WDPCP: variants seen among roughly 807,000 people sequenced by gnomAD.
The protein encoded by WDPCP is WD repeat-containing and planar cell polarity effector protein fritz homolog.
Under a neutral mutation model 93.1 loss-of-function variants are expected in WDPCP, and 71 were observed. That is an observed-to-expected ratio of 0.76 (90% CI 0.63 to 0.93). WDPCP has a LOEUF of 0.93. Ranked by LOEUF, WDPCP falls within the 40% of genes least tolerant of loss-of-function variation. The pLI, the probability that WDPCP is intolerant of heterozygous loss-of-function variation, is 0.00. For missense variants in WDPCP, 844 were observed against 887.4 expected, an observed-to-expected ratio of 0.95 and a Z score of 0.62; for synonymous variants, 315 against 315.0, an observed-to-expected ratio of 1.00 and a Z score of 0.00.
chr2:63,634,663 C>T (rs1313249202), intron 3 of WDPCP, among the ~76,000 whole-genome samples: 2 of 151,966 alleles, frequency 1.3e-5, no homozygotes, highest in Non-Finnish European at 1.5e-5. Flanking sequence ...GAAAAATTTA[C>T]AAATATGTTA....
chr2:63,212,886 A>G (rs1676955622), intron 14 of WDPCP, among the ~76,000 whole-genome samples: 1 of 152,192 alleles, frequency 6.6e-6, no homozygotes. Context: ...AGGCAATTAT[A>G]TAATGGTAAA....
At chr2:63,767,473 A>G (rs757764969) in intron 2 of WDPCP, among the ~76,000 whole-genome samples, 15 of 152,130 alleles carry the variant, frequency 9.9e-5, no homozygotes, top group Non-Finnish European at 1.3e-4. Flanking sequence ...ATTGTATGAG[A>G]GTTCCTGTTG....
chr2:63,412,209 G>A (rs1295226563), intron 9 of WDPCP, among the ~76,000 whole-genome samples: 2 of 152,184 alleles, frequency 1.3e-5, no homozygotes, highest in African/African-American at 4.8e-5. Context: ...TACCAGGGAT[G>A]CAGGGATGGT....
chr2:63,682,052 C>CT (rs1408384834), intron 2 of WDPCP, among the ~76,000 whole-genome samples: 1 of 152,200 alleles, frequency 6.6e-6, no homozygotes, highest in Non-Finnish European at 1.5e-5. Flanking sequence ...CATGGAAAGC[C>CT]TTCCCAAGAA....
At chr2:63,368,825 C>A (rs1162462674) in intron 12 of WDPCP, 5 of 152,244 alleles carry the variant, frequency 3.3e-5, no homozygotes, top group African/African-American at 1.2e-4. Context: ...TCCAGTGACA[C>A]ATTCTGAACA....
At chr2:63,155,182 G>C (rs1182713203) in intron 15 of WDPCP, among the ~76,000 whole-genome samples, 1 of 152,156 alleles carries the variant, frequency 6.6e-6, no homozygotes, top group Non-Finnish European at 1.5e-5. Flanking sequence ...TTGGTGTCTA[G>C]TTGGAGAATT....
chr2:63,780,103 C>G (rs1480461870), intron 2 of WDPCP, among the ~76,000 whole-genome samples: 2 of 152,130 alleles, frequency 1.3e-5, no homozygotes, highest in African/African-American at 4.8e-5. Flanking sequence ...TTTGTAAACT[C>G]CCAGCAATCT....
chr2:63,473,645 A>T lies in WDPCP; in HGVS notation c.384+10959T>A, dbSNP rs923307300. 2.0e-5 allele frequency among the ~76,000 whole-genome samples: 3 copies of T among 152,148 alleles called. No individual in the cohort carries two copies. The South Asian group carries it at 6.2e-4, about 32-fold the overall frequency. ...GTACCACATAGCCATCTGGTTTGCA[A>T]CTTCCAAAAACCGATATCTCCTATT... On this transcript the variant is annotated intron_variant, in intron 6 of 17. Coordinates refer to ENST00000272321, the MANE Select transcript of WDPCP (RefSeq NM_015910.7).
chr2:63,620,904 T>G (rs1358782126), intron 3 of WDPCP, among the ~76,000 whole-genome samples: 1 of 152,210 alleles, frequency 6.6e-6, no homozygotes, highest in Non-Finnish European at 1.5e-5. Flanking sequence ...TCCAGCAAAC[T>G]CCAGCAGACC....
intron 2 of WDPCP, among the ~76,000 whole-genome samples, chr2:63,710,587 G>A (rs1669247598): frequency 6.6e-6 from 1 of 152,140 alleles, no homozygotes; most frequent in Non-Finnish European, 1.5e-5. Flanking sequence ...AGAGATCTCT[G>A]TAACTAAGAA....
At chr2:63,621,483 T>A (rs1208923545) in intron 3 of WDPCP, among the ~76,000 whole-genome samples, 2 of 151,898 alleles carry the variant, frequency 1.3e-5, no homozygotes, top group Non-Finnish European at 2.9e-5. Context: ...GAATAAAGAA[T>A]GAAAAGTAAT....
intron 13 of WDPCP, among the ~76,000 whole-genome samples, chr2:63,288,182 G>A (rs1259387657): frequency 6.6e-6 from 1 of 152,176 alleles, no homozygotes; most frequent in African/African-American, 2.4e-5. Flanking sequence ...CATTCCAACT[G>A]GACCTGCGCC....
Position 63,681,575 on chromosome 2 carries a change from C to T in WDPCP, n.309-30737G>A, listed in dbSNP as rs1710491340. ...AGGTTTTTGTCTCTAGTCCCTGACA[C>T]CTCTATGGTACCTATGGATTTCCCT... On this transcript the variant is annotated intron_variant and non_coding_transcript_variant, in intron 2 of 4. Coordinates refer to the WDPCP transcript ENST00000467687. Among the ~76,000 whole-genome samples the T allele has an allele frequency of 2.6e-5, 4 of 152,258 alleles. No individual in the cohort carries two copies. The South Asian group carries it at 8.3e-4, about 32-fold the overall frequency.
At chr2:63,607,674 C>CA (rs1198488120) in intron 3 of WDPCP, among the ~76,000 whole-genome samples, 1 of 147,644 alleles carries the variant, frequency 6.8e-6, no homozygotes, top group Non-Finnish European at 1.5e-5. Context: ...ACTAAAAATG[C>CA]AAAAAATTAG....
At chr2:63,526,055 CTGTGTGTGTG>C (rs34946446) in intron 1 of WDPCP, among the ~76,000 whole-genome samples, 2 of 148,750 alleles carry the variant, frequency 1.3e-5, no homozygotes, top group Non-Finnish European at 3.0e-5. Context: ...GCTGTTGCTA[CTGTGTGTGTG>C]TGTGTGTGTG....
chr2:63,268,785 C>CA (rs1414921445), intron 13 of WDPCP, among the ~76,000 whole-genome samples: 1 of 151,826 alleles, frequency 6.6e-6, no homozygotes, highest in Non-Finnish European at 1.5e-5. Flanking sequence ...TCCTGGCCTT[C>CA]AAAAAAGATT....
chr2:63,264,302 C>T (rs1455137102), intron 13 of WDPCP, among the ~76,000 whole-genome samples: 1 of 152,142 alleles, frequency 6.6e-6, no homozygotes, highest in Non-Finnish European at 1.5e-5. Flanking sequence ...CAAATAGAAA[C>T]GGAAAGATTG....
At chr2:63,316,302 C>A (rs910890743) in intron 12 of WDPCP, among the ~76,000 whole-genome samples, 5 of 151,972 alleles carry the variant, frequency 3.3e-5, no homozygotes, top group African/African-American at 1.2e-4. Flanking sequence ...CAATGTATAT[C>A]AGGCAGGAGA....
chr2:63,326,163 C>T (rs1687520159), intron 12 of WDPCP, among the ~76,000 whole-genome samples: 1 of 152,212 alleles, frequency 6.6e-6, no homozygotes, highest in East Asian at 1.9e-4. Flanking sequence ...ACAGGCGCTA[C>T]TCCTTGAGCG....
Sources: gnomAD v4.1 joint callset for allele counts (sites outside exome capture counted in the v4.1 genomes callset) on GRCh38, gnomAD v4.1.1 for gene constraint, MANE v1.5 for transcripts, NCBI Gene and HGNC (gene_info 2026-07-23, HGNC 2026-07-21) for gene names.